The following ALG5 variants were observed in gnomAD, a reference collection of about 807,000 sequenced individuals.
The protein encoded by ALG5 is dolichyl-phosphate beta-glucosyltransferase.
Under a neutral mutation model 51.8 loss-of-function variants are expected in ALG5, and 26 were observed. The ratio of observed to expected loss-of-function variants is 0.50; its 90% CI spans 0.37 to 0.70. The LOEUF is 0.70. ALG5 is among the 30% of genes least tolerant of loss of function. ALG5 has a pLI of 0.00. For missense variants in ALG5, 311 were observed against 399.3 expected, an observed-to-expected ratio of 0.78 and a Z score of 1.88; for synonymous variants, 141 against 136.1, an observed-to-expected ratio of 1.04 and a Z score of -0.25.
At chr13:36,989,630 T>C in intron 4 of ALG5, 54 bp from the exon 5 acceptor site, 1 of 1,403,348 alleles carries the variant, frequency 7.1e-7, no homozygotes, top group South Asian at 1.2e-5. Context: ...AAGAGAATTA[T>C]ATAAGCTGTG....
intron 4 of ALG5, among the ~76,000 whole-genome samples, chr13:36,991,617 C>T (rs2059025794): frequency 6.9e-6 from 1 of 144,982 alleles, no homozygotes; most frequent in Admixed American, 7.1e-5. Flanking sequence ...TTGCTGAGTA[C>T]TTTTGCAGCC....
chr13:36,997,952 T>C (rs1311544558), intron 1 of ALG5, among the ~76,000 whole-genome samples: 1 of 152,214 alleles, frequency 6.6e-6, no homozygotes, highest in Non-Finnish European at 1.5e-5. Flanking sequence ...TCCAACATGT[T>C]TCCTCACCAG....
intron 8 of ALG5, among the ~76,000 whole-genome samples, chr13:36,959,948 A>C (rs1201576507): frequency 6.6e-6 from 1 of 151,960 alleles, no homozygotes; most frequent in Non-Finnish European, 1.5e-5. Context: ...CTCCAGCAAA[A>C]ATGAAGAAAT....
At chr13:36,969,635 C>T (rs542000183) in intron 7 of ALG5, among the ~76,000 whole-genome samples, 4 of 151,912 alleles carry the variant, frequency 2.6e-5, no homozygotes, top group Non-Finnish European at 2.9e-5. Flanking sequence ...CCCGGGTTCA[C>T]GTGATTCTCC....
chr13:36,996,678 C>T (rs1315940134), intron 1 of ALG5, among the ~76,000 whole-genome samples: 1 of 152,114 alleles, frequency 6.6e-6, no homozygotes, highest in Non-Finnish European at 1.5e-5. Context: ...GGAAGGATCT[C>T]ATTTCAAAAA....
chr13:36,985,608 A>G lies in ALG5; in HGVS notation c.561+19T>C. 6.4e-7 allele frequency: 1 copy of G among 1,573,130 alleles called. No homozygotes were observed. The highest frequency in any genetic ancestry group is 8.7e-7 in the Non-Finnish European group (1 of 1,149,752). ...GCATTCTTGACTGAATGTTATTTAA[A>G]CTACATTCTTATACTCACAGGCCAA... On this transcript the variant is annotated intron_variant, in intron 6 of 9. Transcript: ENST00000239891.
intron 8 of ALG5, among the ~76,000 whole-genome samples, chr13:36,954,900 A>G (rs1440516773): frequency 6.6e-6 from 1 of 152,210 alleles, no homozygotes; most frequent in African/African-American, 2.4e-5. Flanking sequence ...TGGAATAAAC[A>G]TATAAGAACA....
Position 36,991,745 on chromosome 13 carries a change from G to C in ALG5, c.354+1859C>G, listed in dbSNP as rs570684926. Among the ~76,000 whole-genome samples the C allele has an allele frequency of 2.6e-5, 4 of 152,342 alleles. No individual in the cohort carries two copies. The South Asian group carries it at 8.3e-4, about 32-fold the overall frequency. ...AAGATTTTCGTTCCTAGTTAAAAAG[G>C]AGAGATGCACGCAGAGATGATTCTT... On this transcript the variant is annotated intron_variant, in intron 4 of 9. Transcript: ENST00000239891.
At chr13:36,952,126 G>A (rs370087256) in intron 9 of ALG5, among the ~76,000 whole-genome samples, 1 of 152,118 alleles carries the variant, frequency 6.6e-6, no homozygotes, top group South Asian at 2.1e-4. Context: ...TTGCATAGTG[G>A]TTTGCAGGTA....
chr13:36,966,591 C>T (rs1473547132), intron 7 of ALG5, among the ~76,000 whole-genome samples: 2 of 152,120 alleles, frequency 1.3e-5, no homozygotes, highest in Admixed American at 1.3e-4. Context: ...TTCACTGCAG[C>T]CTCAAATTCC....
chr13:36,985,495 G>A (rs963623740), intron 6 of ALG5, 132 bp downstream of exon 6: 9 of 617,762 alleles, frequency 1.5e-5, no homozygotes, highest in East Asian at 5.5e-5. Flanking sequence ...CTATGGGGCT[G>A]TACCATTTGT....
In ALG5 at chr13:36,995,577, G is replaced by A. The variant is rs372641095; in HGVS notation, c.86C>T (p.Thr29Ile). 1 of 1,600,904 alleles carries A rather than the reference G, an allele frequency of 6.2e-7. No individual in the cohort carries two copies. Among genetic ancestry groups the A allele is most frequent in the African/African-American group, 1.4e-5 (1 of 73,900 alleles). Residue 29 changes from threonine to isoleucine, a missense_variant, in exon 2 of 10, where the codon ACA (threonine) becomes ATA (isoleucine). Physicochemically the swap from Thr to Ile is moderately conservative, Grantham distance 89. Coordinates refer to ENST00000239891, the MANE Select transcript of ALG5 (RefSeq NM_013338.5). ...ALVLISIVAFTTATKMPALHR... is the reference protein window; with the variant it reads ...ALVLISIVAFITATKMPALHR... Reference sequence around the variant, plus strand: ...GAGTGCTGGCATTTTTGTAGCAGTTGTAAATGCAACGATGGAAATCTAAAA... The same window carrying A: ...GAGTGCTGGCATTTTTGTAGCAGTTATAAATGCAACGATGGAAATCTAAAA...
At chr13:36,989,334 T>G (rs1370768959) in intron 5 of ALG5, 150 bp downstream of exon 5, 14 of 598,172 alleles carry the variant, frequency 2.3e-5, no homozygotes, top group Middle Eastern at 4.0e-4. Context: ...ATCTTAAAAT[T>G]TGACTAAAAA....
intron 6 of ALG5, among the ~76,000 whole-genome samples, chr13:36,972,747 C>A (rs544049113): frequency 3.7e-4 from 56 of 152,176 alleles, no homozygotes; most frequent in Middle Eastern, 3.4e-3. Context: ...AATCGCAGCA[C>A]TTTGGGAGGC....
chr13:36,982,840 T>C (rs2058985959), intron 6 of ALG5, among the ~76,000 whole-genome samples: 1 of 152,222 alleles, frequency 6.6e-6, no homozygotes, highest in South Asian at 2.1e-4. Flanking sequence ...TAAAACTTAC[T>C]AAATTTAATT....
chr13:36,999,329 C>T lies in ALG5; in HGVS notation c.-29G>A, dbSNP rs975150375. ...CCATGCCGTGGCAGCCCGCCCAATC[C>T]CGCACCTCCACACAGGCGGAAGCGC... On this transcript the variant is annotated 5_prime_UTR_variant, in exon 1 of 10. Coordinates refer to ENST00000239891, the MANE Select transcript of ALG5 (RefSeq NM_013338.5). The T allele has an allele frequency of 6.4e-7, 1 of 1,557,636 alleles. No homozygotes were observed. The highest frequency in any genetic ancestry group is 8.7e-7 in the Non-Finnish European group (1 of 1,154,906).
chr13:36,967,775 T>C (rs1245298662), intron 7 of ALG5: 1 of 1,213,474 alleles, frequency 8.2e-7, no homozygotes. Flanking sequence ...TAAATACTGG[T>C]TGACTGATTA....
chr13:36,999,251 G>GCCGCCAGCGCCGCGC lies in ALG5; in HGVS notation c.35_49dup (p.Gly12_Ala16dup). 6.3e-7 allele frequency: 1 copy of GCCGCCAGCGCCGCGC among 1,580,228 alleles called. No homozygotes were observed. Among genetic ancestry groups the GCCGCCAGCGCCGCGC allele is most frequent in the Non-Finnish European group, 8.6e-7 (1 of 1,166,158 alleles). On this transcript the variant is annotated inframe_insertion, in exon 1 of 10. Coordinates refer to ENST00000239891, the MANE Select transcript of ALG5 (RefSeq NM_013338.5). ...TGTTCTCACCAGTACGAGGGCTGCGGCCGCCAGCGCCGCGCCGAGCACCGC... is the reference window on the plus strand; with the variant it reads ...TGTTCTCACCAGTACGAGGGCTGCGGCCGCCAGCGCCGCGCCCGCCAGCGCCGCGCCGAGCACCGC...
Position 36,972,963 on chromosome 13 carries a change from G to T in ALG5, c.562-927C>A, listed in dbSNP as rs1344928875. Among the ~76,000 whole-genome samples the T allele has an allele frequency of 2.9e-5, 4 of 137,738 alleles. No homozygotes were observed. The East Asian group carries it at 8.8e-4, about 30-fold the overall frequency. The allele number at this position is 137,738 out of a possible 152,430, so 90.4% of individuals were successfully genotyped here. ...GCCGAGATCACACCACTGTGCTCCAGCCTGGGAGACAGAGCAAGACTCCGT... is the reference window on the plus strand; with the variant it reads ...GCCGAGATCACACCACTGTGCTCCATCCTGGGAGACAGAGCAAGACTCCGT... On this transcript the variant is annotated intron_variant, in intron 6 of 9. Coordinates refer to ENST00000239891, the MANE Select transcript of ALG5 (RefSeq NM_013338.5).
Sources: gnomAD v4.1 joint callset for allele counts (sites outside exome capture counted in the v4.1 genomes callset) on GRCh38, gnomAD v4.1.1 for gene constraint, MANE v1.5 for transcripts, NCBI Gene and HGNC (gene_info 2026-07-23, HGNC 2026-07-21) for gene names.